Variants in PCDH9 observed in about 807,000 individuals in gnomAD.
The protein encoded by PCDH9 is protocadherin 9.
Under a neutral mutation model 70.6 loss-of-function variants are expected in PCDH9, and 24 were observed. That is an observed-to-expected ratio of 0.34 (90% CI 0.25 to 0.48). The LOEUF (loss-of-function observed/expected upper bound fraction) is 0.48, where lower values mean the gene tolerates loss of function less well. Ranked by LOEUF, PCDH9 falls within the 20% of genes least tolerant of loss-of-function variation. PCDH9 has a pLI of 0.99. For missense variants in PCDH9, 1,281 were observed against 1,503.6 expected (o/e 0.85, Z 2.45); for synonymous variants, 562 against 558.5 (o/e 1.01, Z -0.09).
chr13:66,436,857 GT>G (rs35606785), intron 4 of PCDH9, among the ~76,000 whole-genome samples: 1 of 151,826 alleles, frequency 6.6e-6, no homozygotes, highest in Non-Finnish European at 1.5e-5. Context: ...AGTGTGCCAA[GT>G]TTTTTTATTG....
rs1042957261 is a variant in PCDH9, at chr13:67,033,200, CT to C, written c.3037-129596del. Among the ~76,000 whole-genome samples, 26 of 151,924 alleles carry C rather than the reference CT, an allele frequency of 1.7e-4. 1 individual carries two copies. The highest frequency in any genetic ancestry group is 5.8e-4 in the African/African-American group (24 of 41,334). On this transcript the variant is annotated intron_variant, in intron 2 of 4. Transcript: ENST00000377865. ...GATTACATGCTACCAATCAGTACTT[CT>C]TTTTTTATTGAATATTAAAACAGGA...
chr13:67,089,011 A>G (rs1291011490), intron 2 of PCDH9, among the ~76,000 whole-genome samples: 1 of 151,974 alleles, frequency 6.6e-6, no homozygotes, highest in Non-Finnish European at 1.5e-5. Context: ...TTTCTTGCAT[A>G]TTTCCCTTGT....
intron 4 of PCDH9, among the ~76,000 whole-genome samples, chr13:66,330,398 C>A (rs768643187): frequency 6.6e-6 from 1 of 152,206 alleles, no homozygotes. Context: ...GCATGTCCTG[C>A]GGCCAAATTC....
chr13:66,413,111 A>T (rs71442701), intron 4 of PCDH9, among the ~76,000 whole-genome samples: 2,351 of 152,308 alleles, frequency 0.015, 29 homozygotes, highest in East Asian at 0.069. Context: ...GAATCTTACC[A>T]GGAAAAAAAT....
chr13:66,954,856 C>T (rs1385020230), intron 2 of PCDH9, among the ~76,000 whole-genome samples: 1 of 152,200 alleles, frequency 6.6e-6, no homozygotes, highest in African/African-American at 2.4e-5. Context: ...CTCTGCCTCC[C>T]AGGTTCACGC....
chr13:66,506,638 G>A (rs1239497162), intron 4 of PCDH9, among the ~76,000 whole-genome samples: 1 of 152,198 alleles, frequency 6.6e-6, no homozygotes, highest in Non-Finnish European at 1.5e-5. Context: ...AATGGACAGA[G>A]ACCATGTCTG....
chr13:67,075,161 G>A (rs2085853653), intron 2 of PCDH9, among the ~76,000 whole-genome samples: 1 of 151,918 alleles, frequency 6.6e-6, no homozygotes. Context: ...GGACACCGAG[G>A]AATATAATCC....
chr13:67,019,188 C>CTTTTTTT (rs60154161), intron 2 of PCDH9, among the ~76,000 whole-genome samples: 4 of 102,714 alleles, frequency 3.9e-5, no homozygotes, highest in Non-Finnish European at 5.5e-5. Context: ...GGCAGTTGCT[C>CTTTTTTT]TTTTTTTTTT....
At chr13:66,839,481 C>T (rs566442195) in intron 3 of PCDH9, among the ~76,000 whole-genome samples, 9 of 152,152 alleles carry the variant, frequency 5.9e-5, no homozygotes, top group East Asian at 1.9e-4. Context: ...CAGCCAGTCA[C>T]GCCAGCTACG....
intron 4 of PCDH9, among the ~76,000 whole-genome samples, chr13:66,427,569 C>T (rs567742780): frequency 6.6e-6 from 1 of 151,696 alleles, no homozygotes; most frequent in Non-Finnish European, 1.5e-5. Context: ...AAAATCTGGC[C>T]AACTGCCCCA....
At chr13:66,782,347 G>A (rs1003971811) in intron 3 of PCDH9, among the ~76,000 whole-genome samples, 1 of 152,114 alleles carries the variant, frequency 6.6e-6, no homozygotes, top group Admixed American at 6.6e-5. Context: ...AAGAGAGAAT[G>A]CAGGAGAGAT....
At chr13:67,161,929 A>G (rs2087973884) in intron 2 of PCDH9, among the ~76,000 whole-genome samples, 1 of 152,174 alleles carries the variant, frequency 6.6e-6, no homozygotes, top group Non-Finnish European at 1.5e-5. Flanking sequence ...GATAACTGTG[A>G]TATTCTGTGG....
chr13:66,710,695 T>C (rs1004916720), intron 3 of PCDH9, among the ~76,000 whole-genome samples: 1 of 152,202 alleles, frequency 6.6e-6, no homozygotes, highest in Admixed American at 6.5e-5. Context: ...ACTGGGCTAC[T>C]ATCCAGGTGT....
At chr13:66,980,371 A>G (rs1417699645) in intron 2 of PCDH9, among the ~76,000 whole-genome samples, 1 of 152,138 alleles carries the variant, frequency 6.6e-6, no homozygotes, top group Admixed American at 6.6e-5. Flanking sequence ...GTAATCTTGT[A>G]AAAGTATAAT....
intron 4 of PCDH9, among the ~76,000 whole-genome samples, chr13:66,499,186 G>A (rs1335819861): frequency 2.0e-5 from 3 of 151,898 alleles, no homozygotes; most frequent in Admixed American, 1.3e-4. Flanking sequence ...ATACTACTAC[G>A]AATTGAAATT....
chr13:66,773,241 T>C (rs1242007046), intron 3 of PCDH9, among the ~76,000 whole-genome samples: 1 of 152,182 alleles, frequency 6.6e-6, no homozygotes, highest in Admixed American at 6.6e-5. Flanking sequence ...AAATGTTCTA[T>C]ATATATGTGC....
chr13:66,577,755 A>C (rs1218571029), intron 4 of PCDH9, among the ~76,000 whole-genome samples: 1 of 152,032 alleles, frequency 6.6e-6, no homozygotes, highest in Non-Finnish European at 1.5e-5. Flanking sequence ...ATTGGTTAAA[A>C]GAGGGTTTTC....
At chr13:66,863,839 G>C (rs2081525597) in intron 3 of PCDH9, among the ~76,000 whole-genome samples, 1 of 151,988 alleles carries the variant, frequency 6.6e-6, no homozygotes, top group Non-Finnish European at 1.5e-5. Flanking sequence ...CATCGTATTG[G>C]TCCGTTCTCC....
intron 3 of PCDH9, among the ~76,000 whole-genome samples, chr13:66,681,502 C>A (rs2078318923): frequency 6.6e-6 from 1 of 152,002 alleles, no homozygotes; most frequent in African/African-American, 2.4e-5. Context: ...ACTTATGCAG[C>A]CTCCATCTGT....
Sources: gnomAD v4.1 joint callset for allele counts (sites outside exome capture counted in the v4.1 genomes callset) on GRCh38, gnomAD v4.1.1 for gene constraint, MANE v1.5 for transcripts, NCBI Gene and HGNC (gene_info 2026-07-23, HGNC 2026-07-21) for gene names.